Variants in SH3TC2 observed in about 807,000 individuals in gnomAD.
SH3TC2 encodes the protein SH3 domain and tetratricopeptide repeats 2.
Under a neutral mutation model 124.5 loss-of-function variants are expected in SH3TC2, and 87 were observed. That is an observed-to-expected ratio of 0.70 (90% CI 0.59 to 0.84). The LOEUF (loss-of-function observed/expected upper bound fraction) is 0.84. Among genes scored for constraint, SH3TC2 ranks in the 40% least tolerant of loss-of-function variants. The pLI, the probability that SH3TC2 is intolerant of heterozygous loss-of-function variation, is 0.00. For synonymous variants in SH3TC2, 634 were observed against 628.5 expected, an observed-to-expected ratio of 1.01 and a Z score of -0.13; for missense variants, 1,536 against 1,566.4, an observed-to-expected ratio of 0.98 and a Z score of 0.33.
chr5:149,027,106 C>A lies in SH3TC2; in HGVS notation c.2626G>T (p.Ala876Ser), dbSNP rs774109796. 3 of 1,614,074 alleles carry A rather than the reference C, an allele frequency of 1.9e-6. No homozygotes were observed. In the East Asian group the frequency reaches 6.7e-5, roughly 36 times the overall value. Residue 876 changes from alanine to serine, a missense_variant, in exon 11 of 17, where the codon GCA (alanine) becomes TCA (serine). By Grantham distance (99) the Ala-to-Ser change is moderately conservative. Transcript: ENST00000515425. The stretch of plus-strand genomic sequence containing the variant: ...TGGCCAAGATTGGCCATAGCCACTG[C>A]CTGGTTATGCACATCTCCCACCTCC... ...AQEVGDVHNQ[A>S]VAMANLGHLS...
chr5:149,057,579 T>C (rs1171099257), intron 1 of SH3TC2: 1 of 152,234 alleles, frequency 6.6e-6, no homozygotes, highest in Non-Finnish European at 1.5e-5. Flanking sequence ...TTCACAAATT[T>C]GCATGTCATC....
chr5:149,048,323 C>A (rs1754502641), intron 2 of SH3TC2, among the ~76,000 whole-genome samples: 1 of 152,120 alleles, frequency 6.6e-6, no homozygotes, highest in Non-Finnish European at 1.5e-5. Context: ...ATACATCACT[C>A]CCTGTGAATG....
At position 149,028,293 on chromosome 5, in the gene SH3TC2, G is replaced by A; in HGVS notation, c.1439C>T (p.Ala480Val). Residue 480 changes from alanine (A) to valine (V), a missense_variant, in exon 11 of 17, where the codon GCT becomes GTT. Transcript: ENST00000515425. ...ILAFLDHEGY[A>V]DHFKSLYDFS... ...GTCATAGAGACTCTTAAAGTGGTCA[G>A]CATAACCCTCATGATCCAGAAAAGC... 1 of 1,613,956 alleles carries A rather than the reference G, an allele frequency of 6.2e-7. No homozygotes were observed. Among genetic ancestry groups the A allele is most frequent in the East Asian group, 2.2e-5 (1 of 44,888 alleles).
chr5:148,996,019 A>G lies in SH3TC2; in HGVS notation c.*8692T>C, dbSNP rs559844045. On this transcript the variant is annotated 3_prime_UTR_variant, in exon 17 of 17. Coordinates refer to ENST00000515425, the MANE Select transcript of SH3TC2 (RefSeq NM_024577.4). ...CACTTTGGAAGGCTGAGGTGGGTGG[A>G]TGATTTGAGCCCAGGAGTTTGAGAC... Among the ~76,000 whole-genome samples, 5 of 152,066 alleles carry G rather than the reference A, an allele frequency of 3.3e-5. No homozygotes were observed. The East Asian group carries it at 9.7e-4, about 29-fold the overall frequency.
intron 6 of SH3TC2, among the ~76,000 whole-genome samples, chr5:149,040,879 C>T (rs934652765): frequency 2.0e-5 from 3 of 152,168 alleles, no homozygotes; most frequent in African/African-American, 7.2e-5. Context: ...TATTTTGTGG[C>T]TCCGAAAGTA....
Position 149,008,888 on chromosome 5 carries a change from T to C in SH3TC2, c.3441A>G (p.Glu1147=). ...TGAGCCTGGCGGCCAGGGTGGCAAA[T>C]TCCAAAGCCTTCTCATAGCCTTCGA... ...ISLEGYEKAL[E]FATLAARLST... Residue 1147 remains glutamate (E), a synonymous_variant, in exon 15 of 17, where the codon GAA becomes GAG. Coordinates refer to ENST00000515425, the MANE Select transcript of SH3TC2 (RefSeq NM_024577.4). 6.2e-7 allele frequency: 1 copy of C among 1,614,146 alleles called. No homozygotes were observed. The highest frequency in any genetic ancestry group is 8.5e-7 in the Non-Finnish European group (1 of 1,180,030).
rs1753334895 is a variant in SH3TC2 at position 148,986,550 on chromosome 5, A to G, written c.*18161T>C. ...TCTGCCAGGGTAGCAACCTCCATCA[A>G]CTACATTGCTTAGAATGCAGTAAGT... is the stretch of plus-strand genomic sequence containing the variant. On this transcript the variant is annotated 3_prime_UTR_variant, in exon 17 of 17. Coordinates refer to ENST00000515425, the MANE Select transcript of SH3TC2 (RefSeq NM_024577.4). 6.6e-6 allele frequency among the ~76,000 whole-genome samples: 1 copy of G among 152,230 alleles called. No individual in the cohort carries two copies. Among genetic ancestry groups the G allele is most frequent in the Non-Finnish European group, 1.5e-5 (1 of 68,044 alleles).
rs1561749446 is a variant in SH3TC2, at chr5:148,987,807, A to ATC, written c.*16902_*16903dup. Among the ~76,000 whole-genome samples the ATC allele has an allele frequency of 8.6e-6, 1 of 116,718 alleles. No individual in the cohort carries two copies. Among genetic ancestry groups the ATC allele is most frequent in the African/African-American group, 3.4e-5 (1 of 29,566 alleles). 76.6% of individuals were successfully genotyped at this position (116,718 alleles called of 152,430 possible). On this transcript the variant is annotated 3_prime_UTR_variant, in exon 17 of 17. Transcript: ENST00000515425. ...GTCCTCACTCGAGGCCTCATTCAAA[A>ATC]TCTGTGTGTGTGTGTGTGTGTGTGT...
intron 9 of SH3TC2, 135 bp from the exon 10 acceptor site, chr5:149,028,853 G>A: frequency 1.1e-6 from 1 of 875,434 alleles, no homozygotes; most frequent in Admixed American, 1.9e-5. Flanking sequence ...TAAGGAACAG[G>A]GCAGAATTAT....
chr5:149,060,100 A>C (rs1474133461), intron 1 of SH3TC2, among the ~76,000 whole-genome samples: 1 of 152,236 alleles, frequency 6.6e-6, no homozygotes, highest in Non-Finnish European at 1.5e-5. Context: ...TTGAAAGGAA[A>C]GTTACAAGCA....
chr5:149,044,908 C>T (rs1476539550), intron 3 of SH3TC2: 1 of 317,526 alleles, frequency 3.1e-6, no homozygotes, highest in South Asian at 4.1e-5. Context: ...TATAATACTG[C>T]TATACAGCGG....
At chr5:149,038,578 TC>T in intron 7 of SH3TC2, 88 bp from the exon 8 acceptor site, 1 of 1,384,918 alleles carries the variant, frequency 7.2e-7, no homozygotes, top group Non-Finnish European at 1.0e-6. Context: ...AATGAGGGGT[TC>T]CCAGACTTTA....
intron 12 of SH3TC2, among the ~76,000 whole-genome samples, chr5:149,019,068 T>C (rs1206410837): frequency 6.6e-6 from 1 of 152,218 alleles, no homozygotes; most frequent in Non-Finnish European, 1.5e-5. Context: ...AATCTGTCCA[T>C]TACATCAAGA....
intron 1 of SH3TC2, among the ~76,000 whole-genome samples, chr5:149,053,988 G>A (rs139815348): frequency 1.3e-5 from 2 of 152,084 alleles, no homozygotes; most frequent in Non-Finnish European, 2.9e-5. Flanking sequence ...TAATACAATG[G>A]GGTGACTGTA....
At position 149,009,150 on chromosome 5, in the gene SH3TC2, A is replaced by G; in HGVS notation, c.3328-149T>C. On this transcript the variant is annotated intron_variant, in intron 14 of 16. Transcript: ENST00000515425. ...CAGCCATGTTTCCCTGTGTGCCTTTACTCAACCCTCTCTCTCCTGATCCTT... is the reference window on the plus strand; with the variant it reads ...CAGCCATGTTTCCCTGTGTGCCTTTGCTCAACCCTCTCTCTCCTGATCCTT... The G allele has an allele frequency of 3.3e-6, 3 of 917,604 alleles. No individual in the cohort carries two copies. In the South Asian group the frequency reaches 4.0e-5, roughly 12 times the overall value. The allele number at this position is 917,604 out of a possible 1,614,324, so 56.8% of individuals were successfully genotyped here. A position where few individuals can be genotyped will look rare whatever the true frequency, so the allele number is the denominator to read the frequency against.
At chr5:149,015,686 C>G (rs902231058) in intron 12 of SH3TC2, among the ~76,000 whole-genome samples, 1 of 152,190 alleles carries the variant, frequency 6.6e-6, no homozygotes, top group African/African-American at 2.4e-5. Context: ...CAAGTGACCC[C>G]AATACACCTG....
chr5:149,048,493 C>G (rs1480270185), intron 2 of SH3TC2, among the ~76,000 whole-genome samples: 5 of 152,212 alleles, frequency 3.3e-5, no homozygotes, highest in Non-Finnish European at 7.3e-5. Context: ...TTTCTCTAAC[C>G]TGTCTTTTCT....
chr5:149,017,302 C>A (rs1228642341), intron 12 of SH3TC2, among the ~76,000 whole-genome samples: 3 of 152,018 alleles, frequency 2.0e-5, no homozygotes, highest in Non-Finnish European at 2.9e-5. Context: ...AGTTCTATGG[C>A]CAGTCTGTGT....
chr5:149,042,633 C>G lies in SH3TC2; in HGVS notation c.529+61G>C, dbSNP rs994939871. The stretch of plus-strand genomic sequence containing the variant: ...CCCTCCCTTTGCATCCTGCTTATTT[C>G]ATGGCCTCTGGTAGCAAATATCTGA... On this transcript the variant is annotated intron_variant, in intron 5 of 16. Transcript: ENST00000515425. 4 of 1,605,510 alleles carry G rather than the reference C, an allele frequency of 2.5e-6. No homozygotes were observed. In the African/African-American group the frequency reaches 4.0e-5, roughly 16 times the overall value.
Sources: allele counts gnomAD v4.1 joint callset (sites outside exome capture counted in the v4.1 genomes callset), GRCh38; gene constraint gnomAD v4.1.1; transcripts MANE v1.5; gene names NCBI Gene and HGNC (gene_info 2026-07-23, HGNC 2026-07-21).